The following R3HCC1L variants were observed in gnomAD, a reference collection of about 807,000 sequenced individuals.
The protein encoded by R3HCC1L is R3H domain and coiled-coil containing 1 like, also known as coiled-coil domain-containing protein R3HCC1L.
In R3HCC1L, 51 loss-of-function variants were observed where a neutral mutation model predicts 59.9. The observed-to-expected ratio is 0.85, with a 90% CI of 0.68 to 1.07. The LOEUF is 1.07. R3HCC1L is among the 50% of genes least tolerant of loss of function. R3HCC1L has a pLI of 0.00. For missense variants in R3HCC1L, 965 were observed against 933.0 expected (o/e 1.03, Z -0.45); for synonymous variants, 322 against 315.2 (o/e 1.02, Z -0.23).
rs769771797 is a variant in R3HCC1L at position 98,190,029 on chromosome 10, G to A, written c.-14-18072G>A. Among the ~76,000 whole-genome samples, 3 of 152,204 alleles carry A rather than the reference G, an allele frequency of 2.0e-5. No individual in the cohort carries two copies. In the East Asian group the frequency reaches 5.8e-4, roughly 29 times the overall value. On this transcript the variant is annotated intron_variant, in intron 4 of 9. Transcript: ENST00000298999. ...GATGTTCAAGTCTCTGATATAAAAC[G>A]GCAGTATTTGTATATAACCTATGTA... is the stretch of plus-strand genomic sequence containing the variant.
intron 1 of R3HCC1L, among the ~76,000 whole-genome samples, chr10:98,150,433 A>C (rs989703924): frequency 6.6e-6 from 1 of 150,928 alleles, no homozygotes; most frequent in African/African-American, 2.4e-5. Flanking sequence ...CTGTTTTTCA[A>C]GCTCCCATGT....
chr10:98,201,916 T>A (rs1477675853), intron 4 of R3HCC1L, among the ~76,000 whole-genome samples: 8 of 149,372 alleles, frequency 5.4e-5, no homozygotes, highest in Non-Finnish European at 1.0e-4. Flanking sequence ...AGACGGGGTC[T>A]CACTACCTTG....
intron 5 of R3HCC1L, among the ~76,000 whole-genome samples, chr10:98,227,751 G>A (rs1213706640): frequency 1.3e-5 from 2 of 150,502 alleles, no homozygotes; most frequent in Admixed American, 1.3e-4. Flanking sequence ...CCCACAACAG[G>A]CCCCAGTGTG....
At chr10:98,219,060 T>G (rs943341538) in intron 5 of R3HCC1L, among the ~76,000 whole-genome samples, 3 of 152,134 alleles carry the variant, frequency 2.0e-5, no homozygotes, top group African/African-American at 7.2e-5. Context: ...TATAGGCGCA[T>G]GCTATTATGC....
At chr10:98,243,960 T>C (rs1478238238) in intron 9 of R3HCC1L, 131 bp from the exon 10 acceptor site, 2 of 673,866 alleles carry the variant, frequency 3.0e-6, no homozygotes, top group Non-Finnish European at 2.6e-6. Context: ...GAATTAACTC[T>C]TGTTATCAGG....
intron 5 of R3HCC1L, among the ~76,000 whole-genome samples, chr10:98,210,988 T>A (rs1285763221): frequency 6.6e-6 from 1 of 152,180 alleles, no homozygotes; most frequent in African/African-American, 2.4e-5. Context: ...ACCTCATTCG[T>A]GGGAGCTGTT....
intron 2 of R3HCC1L, among the ~76,000 whole-genome samples, chr10:98,159,131 C>T (rs1198970167): frequency 6.6e-6 from 1 of 152,160 alleles, no homozygotes; most frequent in Non-Finnish European, 1.5e-5. Flanking sequence ...CCAAAGACTG[C>T]AAGACAGTTA....
chr10:98,235,541 T>G (rs773351723), intron 8 of R3HCC1L, 21 bp downstream of exon 8: 4 of 1,571,176 alleles, frequency 2.5e-6, no homozygotes, highest in Admixed American at 3.7e-5. Context: ...AATCTCTGGG[T>G]TTTTTTCTTG....
At chr10:98,142,025 T>G (rs181477312) in intron 1 of R3HCC1L, among the ~76,000 whole-genome samples, 243 of 151,428 alleles carry the variant, frequency 1.6e-3, no homozygotes, top group Non-Finnish European at 2.8e-3. Flanking sequence ...AAGTAAGGGT[T>G]TTTCCCTACT....
chr10:98,188,089 A>G (rs1480915253), intron 4 of R3HCC1L, among the ~76,000 whole-genome samples: 1 of 152,102 alleles, frequency 6.6e-6, no homozygotes, highest in Non-Finnish European at 1.5e-5. Flanking sequence ...CCTTTTACAC[A>G]CACACACACA....
In R3HCC1L at chr10:98,225,390, C is replaced by T. The variant is rs143808148; in HGVS notation, c.1786-6122C>T. Among the ~76,000 whole-genome samples the T allele has an allele frequency of 1.8e-4, 28 of 152,336 alleles. 1 individual carries two copies. Among genetic ancestry groups the T allele is most frequent in the Middle Eastern group, 3.4e-3 (1 of 294 alleles). Reference sequence around the variant, plus strand: ...CTCCCTTTTATGCCACAAATCCTCTCCTTCTTTCTGTCAAGTTCTCTTGCA... The same window carrying T: ...CTCCCTTTTATGCCACAAATCCTCTTCTTCTTTCTGTCAAGTTCTCTTGCA... On this transcript the variant is annotated intron_variant, in intron 5 of 9. Transcript: ENST00000298999.
intron 5 of R3HCC1L, among the ~76,000 whole-genome samples, chr10:98,224,394 T>A (rs896152759): frequency 5.9e-5 from 9 of 152,252 alleles, no homozygotes; most frequent in African/African-American, 1.9e-4. Flanking sequence ...GCATGCCTTG[T>A]TGATCTTGTG....
At chr10:98,184,683 A>T (rs1013041872) in intron 4 of R3HCC1L, among the ~76,000 whole-genome samples, 5 of 152,120 alleles carry the variant, frequency 3.3e-5, no homozygotes, top group Admixed American at 1.3e-4. Context: ...GGAGATGGGG[A>T]GGACATTTTG....
chr10:98,185,934 T>C (rs1850186270), intron 4 of R3HCC1L, among the ~76,000 whole-genome samples: 1 of 152,146 alleles, frequency 6.6e-6, no homozygotes, highest in African/African-American at 2.4e-5. Flanking sequence ...CTTGGAGTAG[T>C]AGCATTAGAG....
chr10:98,182,922 C>T (rs1237465742), intron 4 of R3HCC1L, among the ~76,000 whole-genome samples: 5 of 152,084 alleles, frequency 3.3e-5, no homozygotes, highest in African/African-American at 9.7e-5. Context: ...GGCAGTGTCC[C>T]GATTCTCCTT....
intron 1 of R3HCC1L, among the ~76,000 whole-genome samples, chr10:98,151,044 G>A (rs73323844): frequency 0.021 from 3,251 of 152,168 alleles, 124 homozygotes; most frequent in African/African-American, 0.075. Context: ...ATGGAAGTTC[G>A]GTTTTCCTTT....
chr10:98,225,001 C>T (rs1184393427), intron 5 of R3HCC1L, among the ~76,000 whole-genome samples: 1 of 152,048 alleles, frequency 6.6e-6, no homozygotes, highest in Middle Eastern at 3.4e-3. Context: ...TATATTTTAA[C>T]CTAATATGTT....
At chr10:98,236,565 G>A (rs191514640) in intron 9 of R3HCC1L, among the ~76,000 whole-genome samples, 1 of 152,300 alleles carries the variant, frequency 6.6e-6, no homozygotes, top group East Asian at 1.9e-4. Flanking sequence ...GTTTAGATCT[G>A]AGGTAGAAGA....
intron 4 of R3HCC1L, among the ~76,000 whole-genome samples, chr10:98,179,076 C>T (rs902923133): frequency 6.6e-6 from 1 of 152,164 alleles, no homozygotes; most frequent in Non-Finnish European, 1.5e-5. Flanking sequence ...CCTAATTGCC[C>T]TGGCCAGAAC....
Sources: gnomAD v4.1 joint callset for allele counts (sites outside exome capture counted in the v4.1 genomes callset) on GRCh38, gnomAD v4.1.1 for gene constraint, MANE v1.5 for transcripts, NCBI Gene and HGNC (gene_info 2026-07-23, HGNC 2026-07-21) for gene names.